Variants in KAZN observed in about 807,000 individuals in gnomAD.
KAZN encodes the protein kazrin.
In KAZN, 40 loss-of-function variants were observed where a neutral mutation model predicts 87.4. That is an observed-to-expected ratio of 0.46 (90% CI 0.36 to 0.60). The LOEUF is 0.60. Ranked by LOEUF, KAZN falls within the 20% of genes least tolerant of loss-of-function variation. The pLI, the probability that KAZN is intolerant of heterozygous loss-of-function variation, is 0.00. For missense variants in KAZN, 898 were observed against 1,073.9 expected, an observed-to-expected ratio of 0.84 and a Z score of 2.29; for synonymous variants, 466 against 458.3, an observed-to-expected ratio of 1.02 and a Z score of -0.22.
intron 1 of KAZN, among the ~76,000 whole-genome samples, chr1:14,930,767 A>T (rs2101572523): frequency 6.6e-6 from 1 of 152,306 alleles, no homozygotes; most frequent in African/African-American, 2.4e-5. Context: ...CACAGAGCGG[A>T]GGCTGAGCTG....
In KAZN at chr1:14,892,813, C is replaced by G. The variant is rs112327501; in HGVS notation, c.227-67871C>G. Among the ~76,000 whole-genome samples the G allele has an allele frequency of 6.9e-3, 1,052 of 152,228 alleles. 12 individuals carry two copies. Among genetic ancestry groups the G allele is most frequent in the African/African-American group, 0.024 (1,007 of 41,540 alleles). ...GCCTGGGCCCAGGCAAACCAGCCCA[C>G]TCATCTTGTATCTCCAATACCTACA... On this transcript the variant is annotated intron_variant, in intron 1 of 14. Transcript: ENST00000376030.
intron 2 of KAZN, among the ~76,000 whole-genome samples, chr1:14,235,194 T>A (rs1216067420): frequency 6.6e-6 from 1 of 152,132 alleles, no homozygotes; most frequent in African/African-American, 2.4e-5. Flanking sequence ...GAAATATTAT[T>A]CATCCATAAA....
At chr1:14,430,984 C>T (rs1666031949) in intron 2 of KAZN, among the ~76,000 whole-genome samples, 1 of 152,220 alleles carries the variant, frequency 6.6e-6, no homozygotes. Flanking sequence ...ACAAGCTCCA[C>T]TGTTATAGAC....
chr1:14,658,131 T>C lies in KAZN; in HGVS notation c.226+58908T>C, dbSNP rs75865464. Among the ~76,000 whole-genome samples, 595 of 152,220 alleles carry C rather than the reference T, an allele frequency of 3.9e-3. 5 individuals carry two copies. The highest frequency in any genetic ancestry group is 0.014 in the African/African-American group (568 of 41,528). ...GGGCTGGGGAAGCCTTGAGAGGATC[T>C]GGAAGGGGGAATTTCCAAAGCACTT... On this transcript the variant is annotated intron_variant, in intron 1 of 14. Transcript: ENST00000376030.
chr1:14,580,173 T>C (rs1018282952), intron 2 of KAZN, among the ~76,000 whole-genome samples: 1 of 152,200 alleles, frequency 6.6e-6, no homozygotes, highest in African/African-American at 2.4e-5. Flanking sequence ...TGCTGGCGAA[T>C]GTATCTTTAA....
At chr1:14,640,544 G>A (rs998061414) in intron 1 of KAZN, among the ~76,000 whole-genome samples, 3 of 152,150 alleles carry the variant, frequency 2.0e-5, no homozygotes, top group Admixed American at 6.5e-5. Flanking sequence ...CTCCCTCCAT[G>A]CTTAGTAACT....
At chr1:15,076,479 A>C (rs1639763620) in intron 8 of KAZN, among the ~76,000 whole-genome samples, 1 of 152,104 alleles carries the variant, frequency 6.6e-6, no homozygotes, top group African/African-American at 2.4e-5. Flanking sequence ...TTTGAAATGG[A>C]GATAAAACAT....
At chr1:14,451,517 T>C (rs1667273985) in intron 2 of KAZN, among the ~76,000 whole-genome samples, 2 of 151,814 alleles carry the variant, frequency 1.3e-5, no homozygotes, top group South Asian at 4.2e-4. Flanking sequence ...TCAGTCTGGG[T>C]TCTCCAGAGA....
intron 1 of KAZN, among the ~76,000 whole-genome samples, chr1:14,889,173 T>C (rs573327309): frequency 6.6e-6 from 1 of 152,356 alleles, no homozygotes; most frequent in African/African-American, 2.4e-5. Flanking sequence ...AATTCTGTTC[T>C]CATTTCATTG....
intron 1 of KAZN, among the ~76,000 whole-genome samples, chr1:14,169,642 C>T (rs759967689): frequency 3.9e-5 from 6 of 152,136 alleles, no homozygotes; most frequent in Non-Finnish European, 8.8e-5. Flanking sequence ...CCCTGGTGGT[C>T]GTGTCACAAC....
intron 1 of KAZN, among the ~76,000 whole-genome samples, chr1:13,949,820 C>T (rs1641279895): frequency 6.6e-6 from 1 of 152,214 alleles, no homozygotes; most frequent in Non-Finnish European, 1.5e-5. Flanking sequence ...CAACATCCAT[C>T]CTCTAAGGTC....
At chr1:14,067,102 A>G (rs571705078) in intron 1 of KAZN, among the ~76,000 whole-genome samples, 1 of 151,884 alleles carries the variant, frequency 6.6e-6, no homozygotes, top group African/African-American at 2.4e-5. Flanking sequence ...TTCTTTATTT[A>G]CCAACTTTTT....
intron 1 of KAZN, among the ~76,000 whole-genome samples, chr1:13,997,195 C>T (rs935372135): frequency 6.6e-6 from 1 of 151,516 alleles, no homozygotes; most frequent in Non-Finnish European, 1.5e-5. Flanking sequence ...ACAACAACAA[C>T]CCCCACAAAA....
chr1:14,309,483 C>G (rs1460090310), intron 2 of KAZN, among the ~76,000 whole-genome samples: 1 of 152,178 alleles, frequency 6.6e-6, no homozygotes, highest in East Asian at 1.9e-4. Flanking sequence ...GACCAGATTA[C>G]AGGGGCCTTG....
chr1:14,822,102 A>G (rs999119202), intron 1 of KAZN, among the ~76,000 whole-genome samples: 16 of 152,132 alleles, frequency 1.1e-4, no homozygotes, highest in Admixed American at 7.9e-4. Flanking sequence ...CACCTCCACA[A>G]CAGCGACCCT....
intron 2 of KAZN, among the ~76,000 whole-genome samples, chr1:15,029,865 A>C (rs1165930972): frequency 6.6e-6 from 1 of 152,192 alleles, no homozygotes; most frequent in Non-Finnish European, 1.5e-5. Context: ...GCTGAGTAGC[A>C]GCTTCTTTCC....
upstream of KAZN, among the ~76,000 whole-genome samples, chr1:14,594,447 C>G (rs2486778): frequency 0.83 from 125,619 of 152,202 alleles, 52,188 homozygotes; most frequent in African/African-American, 0.92. Flanking sequence ...AGACAATGTA[C>G]GTAGAGGCTG....
intron 1 of KAZN, among the ~76,000 whole-genome samples, chr1:14,792,743 C>A (rs924256273): frequency 6.6e-6 from 1 of 152,048 alleles, no homozygotes; most frequent in African/African-American, 2.4e-5. Flanking sequence ...TTTGGGAGGC[C>A]GAGGTAGGCA....
intron 2 of KAZN, among the ~76,000 whole-genome samples, chr1:14,371,202 T>G (rs80122113): frequency 0.051 from 7,754 of 152,168 alleles, 451 homozygotes; most frequent in East Asian, 0.22. Context: ...GCAAGCTACA[T>G]TTGGGACAAG....
Sources: allele counts gnomAD v4.1 joint callset (sites outside exome capture counted in the v4.1 genomes callset), GRCh38; gene constraint gnomAD v4.1.1; transcripts MANE v1.5; gene names NCBI Gene and HGNC (gene_info 2026-07-23, HGNC 2026-07-21).